Variants in CNBD1 observed in about 807,000 individuals in gnomAD.
CNBD1 encodes the protein cyclic nucleotide binding domain containing 1.
Under a neutral mutation model 54.4 loss-of-function variants are expected in CNBD1, and 71 were observed. The ratio of observed to expected loss-of-function variants is 1.30; its 90% CI spans 1.08 to 1.59. CNBD1 has a LOEUF of 1.59. Ranked by LOEUF, CNBD1 falls within the 40% of genes most tolerant of loss-of-function variation. CNBD1 has a pLI of 0.00. For missense variants in CNBD1, 659 were observed against 518.0 expected (o/e 1.27, Z -2.64); for synonymous variants, 182 against 170.7 (o/e 1.07, Z -0.51).
At chr8:87,035,706 C>G (rs949652227) in intron 4 of CNBD1, among the ~76,000 whole-genome samples, 4 of 152,080 alleles carry the variant, frequency 2.6e-5, no homozygotes, top group African/African-American at 9.7e-5. Context: ...ATGGCAGTGG[C>G]TTATATAAAA....
At chr8:87,380,868 C>T (rs1434738906) in intron 10 of CNBD1, among the ~76,000 whole-genome samples, 1 of 152,016 alleles carries the variant, frequency 6.6e-6, no homozygotes, top group South Asian at 2.1e-4. Context: ...TGGACCCTTA[C>T]CTTGCACTGT....
At position 87,051,096 on chromosome 8, in the gene CNBD1, A is replaced by G. The variant is rs576095606; in HGVS notation, c.431+111342A>G. Reference sequence around the variant, plus strand: ...CATATGGGCTAGAATATCCCTGCCTAGCAAAGGAGTGAGACTTTCAGGCAT... The same window carrying G: ...CATATGGGCTAGAATATCCCTGCCTGGCAAAGGAGTGAGACTTTCAGGCAT... On this transcript the variant is annotated intron_variant, in intron 4 of 10. Transcript: ENST00000518476. Among the ~76,000 whole-genome samples, 119 of 152,314 alleles carry G rather than the reference A, an allele frequency of 7.8e-4. 3 individuals are homozygous for G. The highest frequency in any genetic ancestry group is 1.5e-3 in the Admixed American group (23 of 15,300).
chr8:87,092,642 C>T lies in CNBD1; in HGVS notation c.432-113351C>T, dbSNP rs191397172. On this transcript the variant is annotated intron_variant, in intron 4 of 10. Coordinates refer to ENST00000518476, the MANE Select transcript of CNBD1 (RefSeq NM_173538.3). ...TCATTTTTATCTTCTCTGTTGGCTCCTCTTCCTGTATCTGACTGCTAAATA... is the reference window on the plus strand; with the variant it reads ...TCATTTTTATCTTCTCTGTTGGCTCTTCTTCCTGTATCTGACTGCTAAATA... 3.9e-3 allele frequency among the ~76,000 whole-genome samples: 588 copies of T among 151,692 alleles called. 2 individuals are homozygous for T. Among genetic ancestry groups the T allele is most frequent in the Non-Finnish European group, 6.1e-3 (417 of 67,924 alleles).
intron 4 of CNBD1, among the ~76,000 whole-genome samples, chr8:87,186,501 A>G (rs1009892088): frequency 2.6e-5 from 4 of 152,068 alleles, no homozygotes; most frequent in African/African-American, 9.7e-5. Flanking sequence ...AACTTCTCCA[A>G]AGTTAAAAGA....
At chr8:87,345,802 A>G (rs2130923347) in intron 8 of CNBD1, among the ~76,000 whole-genome samples, 1 of 152,312 alleles carries the variant, frequency 6.6e-6, no homozygotes, top group East Asian at 1.9e-4. Flanking sequence ...CAGAGTATCA[A>G]TAAAAATCTT....
chr8:87,404,764 T>A (rs987233286), intron 2 of CNBD1, among the ~76,000 whole-genome samples: 1 of 152,124 alleles, frequency 6.6e-6, no homozygotes, highest in Non-Finnish European at 1.5e-5. Flanking sequence ...CAAATAACTA[T>A]CATTTAATTT....
intron 4 of CNBD1, among the ~76,000 whole-genome samples, chr8:87,025,487 C>A (rs1278594526): frequency 6.6e-6 from 1 of 152,186 alleles, no homozygotes; most frequent in Non-Finnish European, 1.5e-5. Context: ...CAACTCCGGA[C>A]AGGTAACCTT....
At chr8:87,383,134 G>C (rs1438838938), downstream of CNBD1, among the ~76,000 whole-genome samples, 1 of 151,898 alleles carries the variant, frequency 6.6e-6, no homozygotes, top group Non-Finnish European at 1.5e-5. Flanking sequence ...AAGACCTTGT[G>C]CTTTTTTCAT....
At chr8:87,237,864 G>C (rs1378217987) in intron 6 of CNBD1, among the ~76,000 whole-genome samples, 1 of 151,966 alleles carries the variant, frequency 6.6e-6, no homozygotes, top group Non-Finnish European at 1.5e-5. Context: ...GAATGACAAG[G>C]ATAAAAATGA....
chr8:87,112,478 C>A (rs1811683558), intron 4 of CNBD1, among the ~76,000 whole-genome samples: 1 of 152,098 alleles, frequency 6.6e-6, no homozygotes, highest in South Asian at 2.1e-4. Flanking sequence ...TTTCTCTAAA[C>A]CCTGACAGAG....
At chr8:87,262,629 G>A (rs746344899) in intron 6 of CNBD1, among the ~76,000 whole-genome samples, 2 of 152,050 alleles carry the variant, frequency 1.3e-5, no homozygotes, top group African/African-American at 4.8e-5. Flanking sequence ...CTGTTTTTCT[G>A]GAGAACCTTG....
intron 4 of CNBD1, among the ~76,000 whole-genome samples, chr8:87,083,304 C>T (rs964743038): frequency 1.3e-5 from 2 of 152,164 alleles, no homozygotes; most frequent in African/African-American, 4.8e-5. Flanking sequence ...CTTCCAGGCC[C>T]TCCTAATCCT....
chr8:87,143,999 T>G (rs1410330710), intron 4 of CNBD1, among the ~76,000 whole-genome samples: 1 of 152,148 alleles, frequency 6.6e-6, no homozygotes, highest in African/African-American at 2.4e-5. Flanking sequence ...CTTCAAGAAT[T>G]GCTAAAATAA....
intron 6 of CNBD1, among the ~76,000 whole-genome samples, chr8:87,262,672 T>G (rs2130850266): frequency 2.0e-5 from 3 of 152,300 alleles, no homozygotes; most frequent in African/African-American, 7.2e-5. Flanking sequence ...ATTCCTAGTC[T>G]AAGGCAGGAA....
At chr8:87,329,044 T>C (rs1809755133) in intron 8 of CNBD1, among the ~76,000 whole-genome samples, 1 of 126,654 alleles carries the variant, frequency 7.9e-6, no homozygotes, top group Admixed American at 7.6e-5. Flanking sequence ...CCTAGGAGTT[T>C]TATTTTTTTT....
chr8:86,974,774 T>C (rs181703062), intron 4 of CNBD1, among the ~76,000 whole-genome samples: 1 of 152,076 alleles, frequency 6.6e-6, no homozygotes. Context: ...ATCAAATTTC[T>C]TGGAAATGTT....
At chr8:87,291,767 T>C (rs10955247) in intron 8 of CNBD1, among the ~76,000 whole-genome samples, 42,978 of 152,010 alleles carry the variant, frequency 0.28, 6,553 homozygotes, top group African/African-American at 0.39. Flanking sequence ...TAAAGGCACA[T>C]GCCACCATGC....
intron 6 of CNBD1, among the ~76,000 whole-genome samples, chr8:87,244,352 G>A (rs1380060066): frequency 6.6e-6 from 1 of 152,126 alleles, no homozygotes; most frequent in Admixed American, 6.6e-5. Flanking sequence ...GGTTGGCCCT[G>A]AGAAGTTGCC....
At chr8:87,030,588 C>T (rs1809759359) in intron 4 of CNBD1, among the ~76,000 whole-genome samples, 1 of 151,982 alleles carries the variant, frequency 6.6e-6, no homozygotes, top group African/African-American at 2.4e-5. Context: ...TTTATATCTT[C>T]TAAAATTTTT....
Sources: gnomAD v4.1 joint callset for allele counts (sites outside exome capture counted in the v4.1 genomes callset) on GRCh38, gnomAD v4.1.1 for gene constraint, MANE v1.5 for transcripts, NCBI Gene and HGNC (gene_info 2026-07-23, HGNC 2026-07-21) for gene names.